The following GALNTL6 variants were observed in gnomAD, a reference collection of about 807,000 sequenced individuals.
GALNTL6 encodes polypeptide N-acetylgalactosaminyltransferase-like 6.
A neutral mutation model predicts 73.7 loss-of-function variants in GALNTL6; 46 were observed. The ratio of observed to expected loss-of-function variants is 0.62; its 90% confidence interval spans 0.49 to 0.80. The LOEUF (loss-of-function observed/expected upper bound fraction) is 0.80. GALNTL6 is among the 30% of genes least tolerant of loss of function. GALNTL6 has a pLI of 0.00. For synonymous variants in GALNTL6, 259 were observed against 263.7 expected (o/e 0.98, Z 0.17); for missense variants, 604 against 755.0 (o/e 0.80, Z 2.34).
intron 3 of GALNTL6, among the ~76,000 whole-genome samples, chr4:172,267,627 G>GA (rs1357799241): frequency 6.6e-6 from 1 of 151,806 alleles, no homozygotes; most frequent in East Asian, 1.9e-4. Context: ...GTTAACAAAT[G>GA]AAAAAAAATT....
At chr4:172,642,292 C>G (rs528885312) in intron 5 of GALNTL6, among the ~76,000 whole-genome samples, 1 of 152,094 alleles carries the variant, frequency 6.6e-6, no homozygotes, top group South Asian at 2.1e-4. Context: ...TTCGTTGCAG[C>G]ATTATTCACA....
chr4:172,141,218 G>A lies in GALNTL6; in HGVS notation c.139-88438G>A, dbSNP rs529980012. Among the ~76,000 whole-genome samples, 5 of 152,116 alleles carry A rather than the reference G, an allele frequency of 3.3e-5. No homozygotes were observed. In the East Asian group the frequency reaches 9.7e-4, roughly 29 times the overall value. On this transcript the variant is annotated intron_variant, in intron 2 of 12. Coordinates refer to ENST00000506823, the MANE Select transcript of GALNTL6 (RefSeq NM_001034845.3). ...TGTGCTGGATAGTAAGTGTTTAAGT[G>A]TCAGCAAAAACACACATCCTGTTCT...
chr4:172,517,161 A>G (rs2110806721), intron 5 of GALNTL6, among the ~76,000 whole-genome samples: 1 of 152,296 alleles, frequency 6.6e-6, no homozygotes, highest in Non-Finnish European at 1.5e-5. Context: ...GAGGGTTAAC[A>G]TGGTATATTT....
chr4:171,938,649 A>T (rs756853768), intron 2 of GALNTL6, among the ~76,000 whole-genome samples: 1 of 152,176 alleles, frequency 6.6e-6, no homozygotes. Flanking sequence ...AGTGAAGATA[A>T]GACACACTCT....
intron 5 of GALNTL6, among the ~76,000 whole-genome samples, chr4:172,389,156 C>T (rs953323549): frequency 2.0e-5 from 3 of 152,054 alleles, no homozygotes; most frequent in Non-Finnish European, 2.9e-5. Context: ...TAAGACATCT[C>T]TACCTACTTC....
chr4:172,895,678 C>A (rs1366044737), intron 8 of GALNTL6, among the ~76,000 whole-genome samples: 6 of 152,068 alleles, frequency 3.9e-5, no homozygotes, highest in Non-Finnish European at 8.8e-5. Context: ...TTGGAAAGCT[C>A]TTTGTTATTA....
intron 2 of GALNTL6, among the ~76,000 whole-genome samples, chr4:172,075,425 C>T (rs1279687452): frequency 6.6e-6 from 1 of 152,092 alleles, no homozygotes; most frequent in African/African-American, 2.4e-5. Context: ...AGCTCTGCCT[C>T]CTGGGTTTAC....
chr4:172,995,210 A>G (rs938106735), intron 10 of GALNTL6, among the ~76,000 whole-genome samples: 2 of 152,212 alleles, frequency 1.3e-5, no homozygotes, highest in Non-Finnish European at 2.9e-5. Context: ...AAAAAATGAC[A>G]GGAATATTAA....
intron 5 of GALNTL6, among the ~76,000 whole-genome samples, chr4:172,750,093 T>G (rs1737341632): frequency 6.6e-6 from 1 of 152,116 alleles, no homozygotes; most frequent in Non-Finnish European, 1.5e-5. Context: ...ATAACAAGAG[T>G]TAAAATTTTA....
At chr4:172,389,638 T>C (rs963304191) in intron 5 of GALNTL6, among the ~76,000 whole-genome samples, 1 of 152,110 alleles carries the variant, frequency 6.6e-6, no homozygotes, top group Non-Finnish European at 1.5e-5. Context: ...AGGAGGTAAA[T>C]AAAATCATAG....
intron 7 of GALNTL6, among the ~76,000 whole-genome samples, chr4:172,835,457 G>C (rs910439543): frequency 1.3e-5 from 2 of 152,206 alleles, no homozygotes; most frequent in South Asian, 4.1e-4. Flanking sequence ...AACAGTCTTG[G>C]CTCCATGGGG....
At chr4:172,045,577 G>C (rs368806488) in intron 2 of GALNTL6, among the ~76,000 whole-genome samples, 4 of 151,570 alleles carry the variant, frequency 2.6e-5, no homozygotes, top group African/African-American at 7.3e-5. Flanking sequence ...ACATACTTTG[G>C]TATTTATAGA....
chr4:172,143,330 CTATTT>C (rs1429364610), intron 2 of GALNTL6, among the ~76,000 whole-genome samples: 4 of 151,536 alleles, frequency 2.6e-5, no homozygotes, highest in African/African-American at 7.3e-5. Context: ...AAATAAAATT[CTATTT>C]TAACTTTTAT....
intron 5 of GALNTL6, among the ~76,000 whole-genome samples, chr4:172,647,993 C>T (rs777374065): frequency 1.8e-4 from 27 of 152,028 alleles, no homozygotes; most frequent in Non-Finnish European, 3.8e-4. Context: ...GCTGGCTATG[C>T]GAGGGAGACA....
intron 5 of GALNTL6, among the ~76,000 whole-genome samples, chr4:172,677,095 T>C (rs916049536): frequency 1.3e-5 from 2 of 152,288 alleles, no homozygotes; most frequent in East Asian, 3.9e-4. Context: ...GGTGTCCTAC[T>C]ACTGAAAATG....
chr4:172,242,657 T>C (rs1737485359), intron 3 of GALNTL6, among the ~76,000 whole-genome samples: 1 of 152,232 alleles, frequency 6.6e-6, no homozygotes, highest in Admixed American at 6.5e-5. Context: ...ATAGTCATAA[T>C]GGTAGGTTTG....
intron 5 of GALNTL6, among the ~76,000 whole-genome samples, chr4:172,728,998 G>T (rs1261836237): frequency 6.6e-6 from 1 of 152,128 alleles, no homozygotes; most frequent in Non-Finnish European, 1.5e-5. Context: ...TCATACACCT[G>T]TTGGCCATTT....
intron 5 of GALNTL6, among the ~76,000 whole-genome samples, chr4:172,707,152 T>C (rs1734406867): frequency 6.6e-6 from 1 of 152,168 alleles, no homozygotes; most frequent in African/African-American, 2.4e-5. Flanking sequence ...CCTCTTACCT[T>C]CTGCTCATGA....
At chr4:172,767,588 T>G (rs2110850304) in intron 5 of GALNTL6, among the ~76,000 whole-genome samples, 1 of 152,012 alleles carries the variant, frequency 6.6e-6, no homozygotes, top group East Asian at 1.9e-4. Flanking sequence ...CTAGTAAAAC[T>G]AGAAATGTAT....
Sources: allele counts gnomAD v4.1 joint callset (sites outside exome capture counted in the v4.1 genomes callset), GRCh38; gene constraint gnomAD v4.1.1; transcripts MANE v1.5; gene names NCBI Gene and HGNC (gene_info 2026-07-23, HGNC 2026-07-21).